The following CXADR variants were observed in gnomAD, a reference collection of about 807,000 sequenced individuals.
CXADR encodes CXADR cell adhesion molecule, also known as coxsackievirus and adenovirus receptor.
A neutral mutation model predicts 40.3 loss-of-function variants in CXADR; 20 were observed. That is an observed-to-expected ratio of 0.50 (90% confidence interval 0.35 to 0.72). The LOEUF (loss-of-function observed/expected upper bound fraction) is 0.72. CXADR is among the 30% of genes least tolerant of loss of function. CXADR has a pLI of 0.01. For missense variants in CXADR, 332 were observed against 449.1 expected, an observed-to-expected ratio of 0.74 and a Z score of 2.36; for synonymous variants, 150 against 161.3, an observed-to-expected ratio of 0.93 and a Z score of 0.53.
chr21:17,522,127 A>C (rs962998739), intron 1 of CXADR, among the ~76,000 whole-genome samples: 1 of 150,602 alleles, frequency 6.6e-6, no homozygotes, highest in Non-Finnish European at 1.5e-5. Context: ...GACTACAGGC[A>C]CCTAGGCTTA....
chr21:17,533,898 C>T (rs1448958107), intron 1 of CXADR, among the ~76,000 whole-genome samples: 1 of 150,702 alleles, frequency 6.6e-6, no homozygotes, highest in Non-Finnish European at 1.5e-5. Flanking sequence ...GCTCTGAGTA[C>T]ATATTAACAG....
intron 1 of CXADR, among the ~76,000 whole-genome samples, chr21:17,540,539 G>T (rs936422068): frequency 3.9e-5 from 6 of 152,138 alleles, no homozygotes; most frequent in Non-Finnish European, 8.8e-5. Flanking sequence ...TGCTGGAGGG[G>T]ACTGGTTCTA....
chr21:17,554,234 A>T (rs903443869), intron 3 of CXADR, among the ~76,000 whole-genome samples: 2 of 151,916 alleles, frequency 1.3e-5, no homozygotes, highest in African/African-American at 4.8e-5. Context: ...TGCAGTTCTC[A>T]ACTGAAGAGA....
chr21:17,553,510 T>C (rs941337029), intron 3 of CXADR, among the ~76,000 whole-genome samples: 1 of 152,112 alleles, frequency 6.6e-6, no homozygotes, highest in Non-Finnish European at 1.5e-5. Flanking sequence ...AATATGGTAA[T>C]GTTGGAAATT....
the CXADR span, among the ~76,000 whole-genome samples, chr21:17,604,506 C>T: frequency 1.3e-5 from 2 of 152,010 alleles, no homozygotes; most frequent in African/African-American, 2.4e-5. Flanking sequence ...AGTGGTTATC[C>T]AGTATTATTT....
the CXADR span, among the ~76,000 whole-genome samples, chr21:17,605,300 G>A: frequency 6.6e-6 from 1 of 152,094 alleles, no homozygotes. Context: ...AAAGTTGCAC[G>A]AAATTTTAGA....
the CXADR span, among the ~76,000 whole-genome samples, chr21:17,634,973 C>T: frequency 6.6e-6 from 1 of 152,096 alleles, no homozygotes. Context: ...ATTTTAGAAC[C>T]TTTGATTCCT....
At chr21:17,552,761 T>C (rs571467217) in intron 3 of CXADR, among the ~76,000 whole-genome samples, 107 of 152,310 alleles carry the variant, frequency 7.0e-4, no homozygotes, top group Middle Eastern at 3.4e-3. Context: ...GGATTGACTT[T>C]CATAGGAAAA....
the CXADR span, among the ~76,000 whole-genome samples, chr21:17,599,394 G>A: frequency 6.6e-6 from 1 of 151,704 alleles, no homozygotes; most frequent in Admixed American, 6.6e-5. Context: ...TGCTGAGGCT[G>A]GTCCCAAACT....
At chr21:17,544,962 CCT>C (rs112454875) in intron 1 of CXADR, among the ~76,000 whole-genome samples, 3,909 of 151,968 alleles carry the variant, frequency 0.026, 170 homozygotes, top group African/African-American at 0.09. Flanking sequence ...GTGACTAACT[CCT>C]CTTCATTTTG....
intron 1 of CXADR, among the ~76,000 whole-genome samples, chr21:17,520,681 C>T (rs1316809019): frequency 6.6e-6 from 1 of 152,196 alleles, no homozygotes; most frequent in African/African-American, 2.4e-5. Flanking sequence ...CTGGGATGAT[C>T]TGGACGTAAG....
At chr21:17,601,355 T>C in the CXADR span, among the ~76,000 whole-genome samples, 1 of 152,088 alleles carries the variant, frequency 6.6e-6, no homozygotes, top group Non-Finnish European at 1.5e-5. Flanking sequence ...TGACTCTTCG[T>C]AGTATAAAAT....
At chr21:17,581,015 A>G (rs1447029588) in intron 7 of CXADR, among the ~76,000 whole-genome samples, 2 of 152,156 alleles carry the variant, frequency 1.3e-5, no homozygotes, top group East Asian at 3.9e-4. Flanking sequence ...CCTCCCAAAG[A>G]GCTGGGATTA....
the CXADR span, chr21:17,604,722 T>C: frequency 1.8e-6 from 2 of 1,090,940 alleles, no homozygotes; most frequent in Non-Finnish European, 2.5e-6. Flanking sequence ...AGAAAAGTAT[T>C]TCATAAAATT....
intron 5 of CXADR, 119 bp from the exon 6 acceptor site, chr21:17,561,219 A>G (rs980429796): frequency 5.1e-5 from 30 of 584,168 alleles, no homozygotes; most frequent in Non-Finnish European, 7.6e-5. Context: ...CAAAAAGACT[A>G]AATAATTTGT....
intron 1 of CXADR, among the ~76,000 whole-genome samples, chr21:17,515,722 C>A (rs1295781190): frequency 6.6e-6 from 1 of 152,086 alleles, no homozygotes; most frequent in Non-Finnish European, 1.5e-5. Flanking sequence ...AGGAGAATGG[C>A]GTGAACCCGG....
Position 17,568,591 on chromosome 21 carries a change from C to T in CXADR, c.*2899C>T, listed in dbSNP as rs1294370014. 2.1e-6 allele frequency: 2 copies of T among 967,898 alleles called. No homozygotes were observed. The highest frequency in any genetic ancestry group is 2.4e-6 in the Non-Finnish European group (2 of 821,012). The allele number at this position is 967,898 out of a possible 1,614,324, so 60.0% of individuals were successfully genotyped here. On this transcript the variant is annotated 3_prime_UTR_variant, in exon 7 of 7. Transcript: ENST00000284878. ...TTTTTTTTTAAGAGATAGGGTTTCA[C>T]TATTGCTCAGGCTGGTCTCAAACTG...
chr21:17,611,601 C>CA, the CXADR span: 1 of 152,296 alleles, frequency 6.6e-6, no homozygotes, highest in South Asian at 2.1e-4. Context: ...CCACCAGAGG[C>CA]AAGCAGGGCC....
intron 1 of CXADR, chr21:17,527,212 A>G (rs1173749915): frequency 6.6e-6 from 1 of 152,192 alleles, no homozygotes; most frequent in East Asian, 1.9e-4. Flanking sequence ...AACTGTGAAC[A>G]ATTGATTGAA....
Sources: gnomAD v4.1 joint callset for allele counts (sites outside exome capture counted in the v4.1 genomes callset) on GRCh38, gnomAD v4.1.1 for gene constraint, MANE v1.5 for transcripts, NCBI Gene and HGNC (gene_info 2026-07-23, HGNC 2026-07-21) for gene names.